Variants in CNTN4 observed in about 807,000 individuals in gnomAD.
CNTN4 encodes the protein contactin 4, also known as contactin-4.
Under a neutral mutation model 122.5 loss-of-function variants are expected in CNTN4, and 77 were observed. The ratio of observed to expected loss-of-function variants is 0.63; its 90% confidence interval spans 0.52 to 0.76. The LOEUF (loss-of-function observed/expected upper bound fraction) is 0.76, where lower values mean the gene tolerates loss of function less well. Ranked by LOEUF, CNTN4 falls within the 30% of genes least tolerant of loss-of-function variation. The pLI, the probability that CNTN4 is intolerant of heterozygous loss-of-function variation, is 0.00. For synonymous variants in CNTN4, 512 were observed against 447.0 expected (o/e 1.15, Z -1.83); for missense variants, 1,256 against 1,259.1 (o/e 1.00, Z 0.04).
chr3:2,634,481 C>T (rs1010696965), intron 4 of CNTN4, among the ~76,000 whole-genome samples: 2 of 151,940 alleles, frequency 1.3e-5, no homozygotes, highest in Non-Finnish European at 2.9e-5. Context: ...AAAATGCTTT[C>T]AGAACTTACT....
At chr3:2,614,944 G>A (rs1027095446) in intron 4 of CNTN4, among the ~76,000 whole-genome samples, 1 of 152,028 alleles carries the variant, frequency 6.6e-6, no homozygotes, top group Non-Finnish European at 1.5e-5. Context: ...AAATTGATGG[G>A]TACTTATTTA....
chr3:2,412,549 G>A (rs886830635), intron 3 of CNTN4, among the ~76,000 whole-genome samples: 8 of 152,246 alleles, frequency 5.3e-5, no homozygotes, highest in Non-Finnish European at 8.8e-5. Context: ...CACCACACCC[G>A]GCCCAGTCAA....
rs565097538 is a variant in CNTN4 at position 2,916,778 on chromosome 3, C to T, written c.1208-8851C>T. 1.0e-3 allele frequency among the ~76,000 whole-genome samples: 155 copies of T among 149,746 alleles called. 2 individuals carry two copies. Among genetic ancestry groups the T allele is most frequent in the Admixed American group, 2.1e-3 (31 of 15,106 alleles). ...CTCCTCACTTCCCAGTAGGGGCGGC[C>T]GGGCAGAGGGGCCCCCCACCTCCCA... On this transcript the variant is annotated intron_variant, in intron 12 of 24. Transcript: ENST00000418658.
At chr3:2,843,227 G>C (rs1179547931) in intron 7 of CNTN4, among the ~76,000 whole-genome samples, 1 of 152,146 alleles carries the variant, frequency 6.6e-6, no homozygotes, top group Non-Finnish European at 1.5e-5. Flanking sequence ...GCTCAAGACT[G>C]AAATTTGGGT....
At chr3:2,258,468 A>C (rs774622786) in intron 2 of CNTN4, among the ~76,000 whole-genome samples, 7 of 152,076 alleles carry the variant, frequency 4.6e-5, no homozygotes, top group Non-Finnish European at 8.8e-5. Flanking sequence ...ACTTCCTAAT[A>C]AGTAAGAAGT....
At chr3:2,818,785 T>G (rs970057653) in intron 6 of CNTN4, among the ~76,000 whole-genome samples, 3 of 152,214 alleles carry the variant, frequency 2.0e-5, no homozygotes, top group East Asian at 3.8e-4. Context: ...AATAAAACAT[T>G]CTTCTAAAAA....
intron 4 of CNTN4, among the ~76,000 whole-genome samples, chr3:2,597,876 A>G (rs2080846171): frequency 6.6e-6 from 1 of 152,194 alleles, no homozygotes; most frequent in South Asian, 2.1e-4. Flanking sequence ...AAGTAAACAC[A>G]TTTGAACAAT....
chr3:2,930,859 G>A (rs570218339), intron 13 of CNTN4, among the ~76,000 whole-genome samples: 20 of 152,282 alleles, frequency 1.3e-4, no homozygotes, highest in East Asian at 5.8e-4. Flanking sequence ...ATAGACTAGC[G>A]CAGAGGCCCA....
intron 4 of CNTN4, among the ~76,000 whole-genome samples, chr3:2,648,997 G>A (rs2083250237): frequency 6.6e-6 from 1 of 152,200 alleles, no homozygotes; most frequent in African/African-American, 2.4e-5. Context: ...TTAAGCGAAA[G>A]CCTAATCCAA....
rs1460471299 is a variant in CNTN4, at chr3:3,039,003, G to A, written c.2163G>A (p.Glu721=). Residue 721 remains glutamate (E), a splice_region_variant and synonymous_variant, in exon 19 of 25, where the codon GAG becomes GAA. Transcript: ENST00000418658. The stretch of plus-strand genomic sequence containing the variant: ...AATCTGAACTGGTTATAACCTGGGA[G>A]GTAAATGAATCACAGAATAAAAGGA... ...GSKSELVITW[E]TVPEELQNGR... is the part of the protein sequence containing the mutation. 3 of 1,612,224 alleles carry A rather than the reference G, an allele frequency of 1.9e-6. No individual in the cohort carries two copies. Among genetic ancestry groups the A allele is most frequent in the Non-Finnish European group, 2.5e-6 (3 of 1,178,244 alleles).
At chr3:2,697,066 TC>T (rs1398270061) in intron 4 of CNTN4, among the ~76,000 whole-genome samples, 2 of 152,214 alleles carry the variant, frequency 1.3e-5, no homozygotes, top group Non-Finnish European at 1.5e-5. Context: ...GTGTTTGAGT[TC>T]ATGCATCCAG....
At chr3:2,577,838 C>A (rs946869794) in intron 4 of CNTN4, among the ~76,000 whole-genome samples, 3 of 152,156 alleles carry the variant, frequency 2.0e-5, no homozygotes, top group Non-Finnish European at 2.9e-5. Flanking sequence ...ATGCTTGATA[C>A]ATTCTCAGTT....
At chr3:2,170,206 G>C (rs188443386) in intron 2 of CNTN4, among the ~76,000 whole-genome samples, 33 of 151,618 alleles carry the variant, frequency 2.2e-4, no homozygotes, top group Admixed American at 8.6e-4. Context: ...TGTAGTCCCA[G>C]CTACTCGGGA....
At chr3:2,579,893 T>C (rs2079858556) in intron 4 of CNTN4, among the ~76,000 whole-genome samples, 1 of 152,188 alleles carries the variant, frequency 6.6e-6, no homozygotes, top group Non-Finnish European at 1.5e-5. Context: ...CCATATTAGT[T>C]TCTTAGAACA....
At chr3:2,228,942 A>C (rs1314547630) in intron 2 of CNTN4, among the ~76,000 whole-genome samples, 1 of 152,140 alleles carries the variant, frequency 6.6e-6, no homozygotes, top group Non-Finnish European at 1.5e-5. Flanking sequence ...TTTTGATGAT[A>C]GATGTCAGAA....
intron 4 of CNTN4, among the ~76,000 whole-genome samples, chr3:2,727,136 T>G (rs2320830): frequency 0.13 from 20,099 of 152,128 alleles, 1,690 homozygotes; most frequent in East Asian, 0.43. Flanking sequence ...TCCAATCTAG[T>G]CCCAGAAACT....
chr3:2,992,752 T>A (rs1460395739), intron 14 of CNTN4, among the ~76,000 whole-genome samples: 1 of 152,188 alleles, frequency 6.6e-6, no homozygotes, highest in East Asian at 1.9e-4. Context: ...AACATAGTCA[T>A]CGTGCTGAAC....
At chr3:2,445,263 T>G (rs1371139710) in intron 3 of CNTN4, among the ~76,000 whole-genome samples, 5 of 152,154 alleles carry the variant, frequency 3.3e-5, no homozygotes, top group Non-Finnish European at 5.9e-5. Context: ...GGAGATGTGT[T>G]TGTGGCCTTG....
intron 3 of CNTN4, among the ~76,000 whole-genome samples, chr3:2,386,528 A>G (rs1352186749): frequency 6.6e-6 from 1 of 152,182 alleles, no homozygotes; most frequent in Non-Finnish European, 1.5e-5. Flanking sequence ...CATTGAAAAT[A>G]TTTGTTGGAA....
Sources: allele counts gnomAD v4.1 joint callset (sites outside exome capture counted in the v4.1 genomes callset), GRCh38; gene constraint gnomAD v4.1.1; transcripts MANE v1.5; gene names NCBI Gene and HGNC (gene_info 2026-07-23, HGNC 2026-07-21).